The following VPS35L variants were observed in gnomAD, a reference collection of about 807,000 sequenced individuals.
VPS35L encodes VPS35 endosomal protein-sorting factor-like.
VPS35L carries 83 observed loss-of-function variants against 133.0 expected under a neutral mutation model. That is an observed-to-expected ratio of 0.62 (90% CI 0.52 to 0.75). VPS35L has a LOEUF of 0.75. VPS35L is among the 30% of genes least tolerant of loss of function. The pLI, the probability that VPS35L is intolerant of heterozygous loss-of-function variation, is 0.00. For missense variants in VPS35L, 1,083 were observed against 1,206.8 expected, an observed-to-expected ratio of 0.90 and a Z score of 1.52; for synonymous variants, 423 against 449.9, an observed-to-expected ratio of 0.94 and a Z score of 0.76.
intron 19 of VPS35L, among the ~76,000 whole-genome samples, chr16:19,636,017 C>T (rs1567443515): frequency 6.6e-6 from 1 of 151,896 alleles, no homozygotes; most frequent in South Asian, 2.1e-4. Context: ...AACCCCGTCA[C>T]TACTAAAAAA....
chr16:19,610,132 A>C (rs1404264397), intron 11 of VPS35L, among the ~76,000 whole-genome samples, 190 bp from the exon 12 acceptor site: 1 of 152,222 alleles, frequency 6.6e-6, no homozygotes. Flanking sequence ...CAATGAATGA[A>C]TTGTATCAGA....
chr16:19,666,338 C>T (rs1414135745), intron 26 of VPS35L, among the ~76,000 whole-genome samples: 1 of 152,100 alleles, frequency 6.6e-6, no homozygotes, highest in Non-Finnish European at 1.5e-5. Context: ...GCTTCCATAG[C>T]TCTTAATAGC....
chr16:19,625,356 C>A lies in VPS35L; in HGVS notation c.1225-821C>A, dbSNP rs114550768. Reference sequence around the variant, plus strand: ...CTCACCATGGCTGGTGGGCACTAAGCTCTAGCCCAGTGTTTGTTGCTGATA... The same window carrying A: ...CTCACCATGGCTGGTGGGCACTAAGATCTAGCCCAGTGTTTGTTGCTGATA... On this transcript the variant is annotated intron_variant, in intron 14 of 30. Coordinates refer to ENST00000417362, the MANE Select transcript of VPS35L (RefSeq NM_020314.7). 3.5e-3 allele frequency among the ~76,000 whole-genome samples: 530 copies of A among 152,298 alleles called. 4 individuals carry two copies. Among genetic ancestry groups the A allele is most frequent in the African/African-American group, 0.012 (511 of 41,568 alleles).
chr16:19,607,488 T>C (rs1055988012), intron 9 of VPS35L, among the ~76,000 whole-genome samples: 1 of 152,232 alleles, frequency 6.6e-6, no homozygotes, highest in Non-Finnish European at 1.5e-5. Flanking sequence ...CCCTGTGTCC[T>C]GCAGGAAAAT....
At chr16:19,557,000 C>G (rs984426893) in intron 1 of VPS35L, among the ~76,000 whole-genome samples, 3 of 152,112 alleles carry the variant, frequency 2.0e-5, no homozygotes, top group Admixed American at 2.0e-4. Context: ...TTAGTGGTGG[C>G]ACGCACCTGT....
At chr16:19,566,374 T>C (rs780748353) in intron 2 of VPS35L, among the ~76,000 whole-genome samples, 5 of 152,182 alleles carry the variant, frequency 3.3e-5, no homozygotes, top group Non-Finnish European at 5.9e-5. Context: ...CATATGCCTG[T>C]AGTCCCAACT....
At chr16:19,573,462 G>A in intron 4 of VPS35L, 1 of 440,896 alleles carries the variant, frequency 2.3e-6, no homozygotes, top group Non-Finnish European at 4.0e-6. Context: ...GATCAGGGAT[G>A]TGGCACAGGC....
At chr16:19,629,506 A>G (rs1973377000) in intron 17 of VPS35L, among the ~76,000 whole-genome samples, 1 of 152,226 alleles carries the variant, frequency 6.6e-6, no homozygotes, top group African/African-American at 2.4e-5. Flanking sequence ...AAAAAAATGC[A>G]TAACATTACA....
chr16:19,591,128 G>A (rs890865514), intron 7 of VPS35L, among the ~76,000 whole-genome samples: 1 of 152,114 alleles, frequency 6.6e-6, no homozygotes, highest in Admixed American at 6.5e-5. Context: ...TGTTCCTTTT[G>A]GGGGGAATTT....
In VPS35L at chr16:19,639,532, G is replaced by A. The variant is rs1337473239; in HGVS notation, c.1699-483G>A. 1.3e-5 allele frequency among the ~76,000 whole-genome samples: 2 copies of A among 152,230 alleles called. No individual in the cohort carries two copies. The highest frequency in any genetic ancestry group is 3.9e-4 in the East Asian group (2 of 5,188). On this transcript the variant is annotated intron_variant, in intron 20 of 30. Coordinates refer to ENST00000417362, the MANE Select transcript of VPS35L (RefSeq NM_020314.7). This position sits in a 1 kb window ranked among gnomAD's most constrained non-coding sequence, Gnocchi z 4.1. ...ATAGTAACAGCTTTTTATTTTGTTTGTTTGTTTATTTTTGAGATAGAGTCT... is the reference window on the plus strand; with the variant it reads ...ATAGTAACAGCTTTTTATTTTGTTTATTTGTTTATTTTTGAGATAGAGTCT...
chr16:19,662,914 A>C (rs1974534082), intron 26 of VPS35L, among the ~76,000 whole-genome samples: 1 of 152,178 alleles, frequency 6.6e-6, no homozygotes, highest in East Asian at 1.9e-4. Context: ...GCTTGAACCC[A>C]GGAGGCAGAG....
intron 22 of VPS35L, among the ~76,000 whole-genome samples, chr16:19,644,054 A>G (rs58247734): frequency 0.051 from 7,736 of 152,262 alleles, 642 homozygotes; most frequent in African/African-American, 0.17. Flanking sequence ...GAACAAACCA[A>G]CAAACAAAAA....
chr16:19,587,167 G>A (rs1017023208), intron 7 of VPS35L, among the ~76,000 whole-genome samples: 1 of 152,138 alleles, frequency 6.6e-6, no homozygotes, highest in African/African-American at 2.4e-5. Flanking sequence ...AGAACTGTCT[G>A]ACAGGAACAG....
intron 3 of VPS35L, 140 bp from the exon 4 acceptor site, chr16:19,572,979 A>C: frequency 9.9e-7 from 1 of 1,009,430 alleles, no homozygotes; most frequent in Non-Finnish European, 1.3e-6. Context: ...CTGGCGCTGT[A>C]ATTTTTTTTA....
At chr16:19,595,822 C>A (rs138540123) in intron 8 of VPS35L, among the ~76,000 whole-genome samples, 1 of 152,158 alleles carries the variant, frequency 6.6e-6, no homozygotes, top group Admixed American at 6.5e-5. Flanking sequence ...CAGATGATGA[C>A]CTTGGACAGA....
At chr16:19,575,926 C>T (rs1375216428) in intron 5 of VPS35L, among the ~76,000 whole-genome samples, 10 of 145,078 alleles carry the variant, frequency 6.9e-5, no homozygotes, top group Non-Finnish European at 1.3e-4. Flanking sequence ...GAGGCCAAGG[C>T]GGGCAGATCA....
chr16:19,606,026 C>T (rs756864695), intron 9 of VPS35L, among the ~76,000 whole-genome samples: 25 of 152,180 alleles, frequency 1.6e-4, no homozygotes, highest in Non-Finnish European at 3.1e-4. Flanking sequence ...TCCCACGTAA[C>T]ATAATCCTTT....
chr16:19,615,133 C>CTA (rs1436307265), intron 12 of VPS35L, among the ~76,000 whole-genome samples: 1 of 152,146 alleles, frequency 6.6e-6, no homozygotes, highest in Non-Finnish European at 1.5e-5. Context: ...TGTGCTTGGT[C>CTA]TAATAAGTAC....
At chr16:19,651,187 TTAA>T (rs1974112568) in intron 25 of VPS35L, among the ~76,000 whole-genome samples, 1 of 151,480 alleles carries the variant, frequency 6.6e-6, no homozygotes, top group Non-Finnish European at 1.5e-5. Flanking sequence ...TGGCCTGATG[TTAA>T]ACTTTGAAAA....
Sources: allele counts gnomAD v4.1 joint callset (sites outside exome capture counted in the v4.1 genomes callset), GRCh38; gene constraint gnomAD v4.1.1; non-coding constraint Gnocchi (gnomAD v3.1); transcripts MANE v1.5; gene names NCBI Gene and HGNC (gene_info 2026-07-23, HGNC 2026-07-21).